Variants in TOMM40 observed in about 807,000 individuals in gnomAD.
The protein encoded by TOMM40 is translocase of outer mitochondrial membrane 40.
A neutral mutation model predicts 38.4 loss-of-function variants in TOMM40; 9 were observed. The observed-to-expected ratio is 0.23, with a 90% confidence interval of 0.14 to 0.41. The LOEUF (loss-of-function observed/expected upper bound fraction) is 0.41, where lower values mean the gene tolerates loss of function less well. TOMM40 is among the 10% of genes least tolerant of loss of function. The pLI is 1.00. For synonymous variants in TOMM40, 184 were observed against 210.0 expected (o/e 0.88, Z 1.07); for missense variants, 299 against 486.5 (o/e 0.61, Z 3.63).
In TOMM40 at chr19:44,891,558, C is replaced by T. The variant is rs1034152812; in HGVS notation, c.143C>T (p.Thr48Ile). 7.0e-7 allele frequency: 1 copy of T among 1,436,366 alleles called. No individual in the cohort carries two copies. Among genetic ancestry groups the T allele is most frequent in the Non-Finnish European group, 9.1e-7 (1 of 1,093,972 alleles). 89.0% of individuals were successfully genotyped at this position (1,436,366 alleles called of 1,614,324 possible). Residue 48 changes from threonine (T) to isoleucine (I), a missense_variant, in exon 1 of 9, where the codon ACC becomes ATC. Coordinates refer to ENST00000426677, the MANE Select transcript of TOMM40 (RefSeq NM_001128917.2). ...PPLGGSLGAG[T>I]STSRSSERTP... ...CTGGGAGGCAGCCTGGGCGCCGGCA[C>T]CAGTACGAGTCGAAGTTCGGAACGG...
chr19:44,892,713 G>A, intron 2 of TOMM40, 124 bp from the exon 3 acceptor site: 1 of 850,018 alleles, frequency 1.2e-6, no homozygotes, highest in East Asian at 2.6e-5. Flanking sequence ...CTTTCTCTGA[G>A]TCTCTTAGTC....
At chr19:44,899,032 CTGAGGCAGGAGAATGGCG>C (rs1969625950) in intron 5 of TOMM40, among the ~76,000 whole-genome samples, 1 of 149,192 alleles carries the variant, frequency 6.7e-6, no homozygotes, top group African/African-American at 2.5e-5. Context: ...CTCGGAGAGG[CTGAGGCAGGAGAATGGCG>C]TGAACCCGGG....
intron 5 of TOMM40, among the ~76,000 whole-genome samples, chr19:44,897,120 G>A (rs1433540299): frequency 1.3e-5 from 2 of 152,118 alleles, no homozygotes; most frequent in Non-Finnish European, 2.9e-5. Context: ...TGGGCAGGGG[G>A]TCAACAGGGT....
intron 5 of TOMM40, among the ~76,000 whole-genome samples, chr19:44,896,084 G>A (rs558301006): frequency 1.2e-4 from 19 of 152,284 alleles, no homozygotes; most frequent in East Asian, 7.7e-4. Context: ...TGCTCTTCAC[G>A]GCGCCAGCAA....
rs1969458392 is a variant in TOMM40, at chr19:44,891,384, C to T, written c.-32C>T. ...GTCGGGGGCGCGCGGGCCCTGACCT[C>T]TGCCCTCTGACCTCTCCCCTAGCAG... On this transcript the variant is annotated 5_prime_UTR_variant, in exon 1 of 9. Coordinates refer to ENST00000426677, the MANE Select transcript of TOMM40 (RefSeq NM_001128917.2). The T allele has an allele frequency of 8.0e-7, 1 of 1,256,474 alleles. No individual in the cohort carries two copies. The highest frequency in any genetic ancestry group is 1.5e-5 in the African/African-American group (1 of 64,820). The allele number at this position is 1,256,474 out of a possible 1,614,324, so 77.8% of individuals were successfully genotyped here. A position where few individuals can be genotyped will look rare whatever the true frequency, so the allele number is the denominator to read the frequency against.
chr19:44,900,925 G>A, intron 6 of TOMM40, 73 bp downstream of exon 6: 1 of 1,609,638 alleles, frequency 6.2e-7, no homozygotes, highest in Non-Finnish European at 8.5e-7. Flanking sequence ...AGGGAGGACG[G>A]GCTAGGGCCC....
Position 44,901,343 on chromosome 19 carries a change from G to A in TOMM40, c.946+33G>A, listed in dbSNP as rs975110817. On this transcript the variant is annotated intron_variant, in intron 8 of 8. Coordinates refer to ENST00000426677, the MANE Select transcript of TOMM40 (RefSeq NM_001128917.2). ...TCTCGGTTCCCCTACGCGGGAAACAGGCAGGAGGTGACTCAACTCTGAGTG... is the reference window on the plus strand; with the variant it reads ...TCTCGGTTCCCCTACGCGGGAAACAAGCAGGAGGTGACTCAACTCTGAGTG... The A allele has an allele frequency of 7.5e-6, 12 of 1,595,594 alleles. No individual in the cohort carries two copies. The Admixed American group carries it at 1.8e-4, about 23-fold the overall frequency.
At chr19:44,894,703 C>T (rs976221859) in intron 5 of TOMM40, among the ~76,000 whole-genome samples, 1 of 152,226 alleles carries the variant, frequency 6.6e-6, no homozygotes, top group East Asian at 1.9e-4. Context: ...GCTGGGATGA[C>T]AGGCGTGAGC....
intron 5 of TOMM40, among the ~76,000 whole-genome samples, chr19:44,898,101 T>C (rs1165178701): frequency 6.6e-6 from 1 of 151,888 alleles, no homozygotes; most frequent in Non-Finnish European, 1.5e-5. Flanking sequence ...TCACGGCCTC[T>C]CTCACACCCA....
rs781488251 is a variant in TOMM40 at position 44,893,894 on chromosome 19, C to T, written c.537+13C>T. On this transcript the variant is annotated intron_variant, in intron 4 of 8. Transcript: ENST00000426677. Reference sequence around the variant, plus strand: ...GATGGCCATCCAGGTGAGTGGGGCACGGAGGCTGCTGCTCCCCTCGGCCAC... The same window carrying T: ...GATGGCCATCCAGGTGAGTGGGGCATGGAGGCTGCTGCTCCCCTCGGCCAC... The T allele has an allele frequency of 3.0e-5, 48 of 1,611,208 alleles. No homozygotes were observed. The highest frequency in any genetic ancestry group is 7.7e-5 in the South Asian group (7 of 90,892).
rs1599934294 is a variant in TOMM40 at position 44,891,798 on chromosome 19, G to GC, written c.274+110dup. The stretch of plus-strand genomic sequence containing the variant: ...CGCGCACCATTGGAATTATTTAACA[G>GC]CACTAGGAGGTGATGTTGGGATCGA... On this transcript the variant is annotated intron_variant, in intron 1 of 8. Coordinates refer to ENST00000426677, the MANE Select transcript of TOMM40 (RefSeq NM_001128917.2). 4.4e-6 allele frequency: 5 copies of GC among 1,146,942 alleles called. No individual in the cohort carries two copies. In the East Asian group the frequency reaches 1.6e-4, roughly 36 times the overall value. 71.0% of individuals were successfully genotyped at this position (1,146,942 alleles called of 1,614,324 possible).
At chr19:44,893,040 G>A (rs1394547193) in intron 3 of TOMM40, 111 bp downstream of exon 3, 2 of 834,810 alleles carry the variant, frequency 2.4e-6, no homozygotes, top group Non-Finnish European at 3.8e-6. Flanking sequence ...CGAGAGCCTG[G>A]AGATGGGGAT....
rs1249621534 is a variant in TOMM40 at position 44,894,034 on chromosome 19, C to G, written c.611C>G (p.Thr204Ser). The G allele has an allele frequency of 1.3e-6, 2 of 1,526,838 alleles. No homozygotes were observed. The highest frequency in any genetic ancestry group is 2.1e-5 in the Admixed American group (1 of 48,718). The allele number at this position is 1,526,838 out of a possible 1,614,324, so 94.6% of individuals were successfully genotyped here. Residue 204 changes from threonine (T) to serine (S), a missense_variant, in exon 5 of 9, where the codon ACC (threonine) becomes AGC (serine). Thr to Ser is a moderately conservative substitution (Grantham distance 58, BLOSUM62 1). Coordinates refer to ENST00000426677, the MANE Select transcript of TOMM40 (RefSeq NM_001128917.2). ...GGCTCTGACTTCACAGCAGCCGTCA[C>G]CCTGGGGAACCCAGACGTCCTCGTG... ...YRGSDFTAAV[T>S]LGNPDVLVGS...
At chr19:44,895,166 G>C (rs1365227077) in intron 5 of TOMM40, among the ~76,000 whole-genome samples, 8 of 152,142 alleles carry the variant, frequency 5.3e-5, no homozygotes, top group African/African-American at 1.9e-4. Context: ...GGGGAGGGGA[G>C]CTAGGGTTGG....
intron 5 of TOMM40, among the ~76,000 whole-genome samples, chr19:44,899,255 T>C (rs1165700266): frequency 1.3e-5 from 2 of 152,074 alleles, no homozygotes; most frequent in East Asian, 3.9e-4. Context: ...CAAGTGATCC[T>C]CCTGCCTCAG....
At chr19:44,902,350 A>T (rs1440931251) in intron 8 of TOMM40, 1 of 152,222 alleles carries the variant, frequency 6.6e-6, no homozygotes, top group Non-Finnish European at 1.5e-5. Context: ...CCACAGGTGT[A>T]TGCCACCAGG....
chr19:44,896,175 G>A (rs1218782119), intron 5 of TOMM40, among the ~76,000 whole-genome samples: 1 of 152,158 alleles, frequency 6.6e-6, no homozygotes, highest in Non-Finnish European at 1.5e-5. Context: ...GGCCACCAGT[G>A]ACGCTTTGGT....
intron 5 of TOMM40, among the ~76,000 whole-genome samples, chr19:44,896,069 G>A (rs1158364858): frequency 1.3e-5 from 2 of 152,216 alleles, no homozygotes; most frequent in African/African-American, 4.8e-5. Context: ...GGACTCCAGT[G>A]TCCCTGCTCT....
intron 8 of TOMM40, 160 bp from the exon 9 acceptor site, chr19:44,902,870 A>T: frequency 1.2e-6 from 1 of 846,322 alleles, no homozygotes. Context: ...CATTTGCTCC[A>T]GCGTGAAGTT....
Sources: allele counts gnomAD v4.1 joint callset (sites outside exome capture counted in the v4.1 genomes callset), GRCh38; gene constraint gnomAD v4.1.1; transcripts MANE v1.5; gene names NCBI Gene and HGNC (gene_info 2026-07-23, HGNC 2026-07-21).